The following EPHA6 variants were observed in gnomAD, a reference collection of about 807,000 sequenced individuals.
EPHA6 encodes the protein EPH receptor A6.
In EPHA6, 50 loss-of-function variants were observed where a neutral mutation model predicts 112.0. The ratio of observed to expected loss-of-function variants is 0.45; its 90% confidence interval spans 0.36 to 0.56. EPHA6 has a LOEUF of 0.56. EPHA6 is among the 20% of genes least tolerant of loss of function. EPHA6 has a pLI of 0.00. For synonymous variants in EPHA6, 529 were observed against 490.7 expected (o/e 1.08, Z -1.03); for missense variants, 1,280 against 1,417.4 (o/e 0.90, Z 1.56).
chr3:97,331,435 C>T (rs1349241834), intron 5 of EPHA6, among the ~76,000 whole-genome samples: 3 of 152,022 alleles, frequency 2.0e-5, no homozygotes, highest in Non-Finnish European at 4.4e-5. Context: ...ACAAAAAACC[C>T]TTCAAAAAAT....
chr3:97,157,488 C>T (rs2076314761), intron 3 of EPHA6, among the ~76,000 whole-genome samples: 1 of 151,934 alleles, frequency 6.6e-6, no homozygotes, highest in Non-Finnish European at 1.5e-5. Context: ...TTCCTAAGTC[C>T]ATGTTTAATA....
At chr3:97,636,270 G>A (rs1638905277) in intron 13 of EPHA6, among the ~76,000 whole-genome samples, 1 of 152,092 alleles carries the variant, frequency 6.6e-6, no homozygotes, top group East Asian at 1.9e-4. Context: ...TTCATTTTAG[G>A]TCGAAAGAAC....
intron 6 of EPHA6, among the ~76,000 whole-genome samples, chr3:97,420,305 G>T (rs1159536735): frequency 3.4e-5 from 5 of 148,486 alleles, no homozygotes; most frequent in African/African-American, 1.3e-4. Context: ...AAAAAAAAAA[G>T]ATAAAAATTG....
chr3:97,701,298 A>G (rs2033373703), intron 14 of EPHA6, among the ~76,000 whole-genome samples: 1 of 152,128 alleles, frequency 6.6e-6, no homozygotes, highest in Non-Finnish European at 1.5e-5. Flanking sequence ...CAGCTTTACA[A>G]GCTCCCTGTG....
chr3:97,266,105 T>C (rs960398804), intron 5 of EPHA6, among the ~76,000 whole-genome samples: 2 of 152,186 alleles, frequency 1.3e-5, no homozygotes, highest in Admixed American at 1.3e-4. Flanking sequence ...CATTTTGAAA[T>C]GGGTAGCTGG....
At chr3:97,451,483 G>A (rs1277862536) in intron 7 of EPHA6, among the ~76,000 whole-genome samples, 4 of 151,238 alleles carry the variant, frequency 2.6e-5, no homozygotes, top group Non-Finnish European at 5.9e-5. Context: ...GAGATAAAAT[G>A]TCTGAGAAGA....
intron 2 of EPHA6, among the ~76,000 whole-genome samples, chr3:96,904,632 A>G (rs2038827320): frequency 6.6e-6 from 1 of 152,042 alleles, no homozygotes; most frequent in African/African-American, 2.4e-5. Context: ...TCTTCACAAT[A>G]AATGTTTTTG....
intron 5 of EPHA6, among the ~76,000 whole-genome samples, chr3:97,324,231 A>G (rs1386710693): frequency 1.3e-5 from 2 of 151,932 alleles, no homozygotes; most frequent in Non-Finnish European, 2.9e-5. Flanking sequence ...CTCAAATGCC[A>G]CCTCCAATTC....
rs192832641 is a variant in EPHA6 at position 97,587,569 on chromosome 3, A to C, written c.2387-5043A>C. 2.5e-3 allele frequency among the ~76,000 whole-genome samples: 387 copies of C among 152,284 alleles called. 4 individuals carry two copies. The highest frequency in any genetic ancestry group is 9.1e-3 in the African/African-American group (377 of 41,568). On this transcript the variant is annotated intron_variant, in intron 11 of 17. Transcript: ENST00000389672. ...TGATTTCACGTAATAATCACACTACAAACAGGCACAACATACATAAAATGC... is the reference window on the plus strand; with the variant it reads ...TGATTTCACGTAATAATCACACTACCAACAGGCACAACATACATAAAATGC...
intron 5 of EPHA6, among the ~76,000 whole-genome samples, chr3:97,277,289 T>C (rs998121018): frequency 6.6e-6 from 1 of 151,068 alleles, no homozygotes; most frequent in African/African-American, 2.4e-5. Flanking sequence ...AAAGGAAAAT[T>C]ACAGTCAAAG....
intron 14 of EPHA6, among the ~76,000 whole-genome samples, chr3:97,672,446 G>T (rs1348971557): frequency 6.6e-6 from 1 of 152,084 alleles, no homozygotes; most frequent in Non-Finnish European, 1.5e-5. Flanking sequence ...TTTACTTGTT[G>T]GTGGGAGTGG....
intron 2 of EPHA6, among the ~76,000 whole-genome samples, chr3:96,887,341 C>T (rs2037689371): frequency 6.6e-6 from 1 of 152,164 alleles, no homozygotes; most frequent in Non-Finnish European, 1.5e-5. Context: ...AGCCGATCTG[C>T]AGTGATTGTC....
chr3:97,185,014 G>C (rs1449034519), intron 3 of EPHA6, among the ~76,000 whole-genome samples: 1 of 152,132 alleles, frequency 6.6e-6, no homozygotes, highest in Admixed American at 6.5e-5. Context: ...CTAGCCATAG[G>C]TAGAAAGCTG....
intron 4 of EPHA6, among the ~76,000 whole-genome samples, chr3:97,231,339 T>A (rs2078518964): frequency 6.6e-6 from 1 of 152,214 alleles, no homozygotes; most frequent in African/African-American, 2.4e-5. Context: ...CTCAGCTTCA[T>A]GCTGAATTCA....
At chr3:96,880,681 CCA>C (rs1479784864) in intron 2 of EPHA6, among the ~76,000 whole-genome samples, 1 of 152,060 alleles carries the variant, frequency 6.6e-6, no homozygotes, top group East Asian at 1.9e-4. Flanking sequence ...CTGTTGCACC[CCA>C]TTCTTCCTCC....
intron 2 of EPHA6, among the ~76,000 whole-genome samples, chr3:96,974,150 A>T (rs2107793568): frequency 6.8e-6 from 1 of 146,804 alleles, no homozygotes; most frequent in African/African-American, 2.5e-5. Context: ...AATTATAAAT[A>T]ATGTATTAAA....
intron 15 of EPHA6, among the ~76,000 whole-genome samples, chr3:97,734,576 C>T (rs572672953): frequency 7.2e-5 from 11 of 152,126 alleles, no homozygotes; most frequent in African/African-American, 2.6e-4. Flanking sequence ...AAAGCTAAAA[C>T]TTAGCAGTAA....
chr3:97,383,723 G>A (rs375819073), intron 5 of EPHA6, among the ~76,000 whole-genome samples: 7 of 152,052 alleles, frequency 4.6e-5, no homozygotes, highest in South Asian at 4.1e-4. Flanking sequence ...GGAAATGTGC[G>A]CAGTATATTA....
chr3:97,430,310 C>T (rs2089428468), intron 6 of EPHA6, among the ~76,000 whole-genome samples: 1 of 151,944 alleles, frequency 6.6e-6, no homozygotes, highest in African/African-American at 2.4e-5. Flanking sequence ...AAAATAGATT[C>T]AACAAACTAA....
Sources: gnomAD v4.1 joint callset for allele counts (sites outside exome capture counted in the v4.1 genomes callset) on GRCh38, gnomAD v4.1.1 for gene constraint, MANE v1.5 for transcripts, NCBI Gene and HGNC (gene_info 2026-07-23, HGNC 2026-07-21) for gene names.